Variants in NCOR2 observed in about 807,000 individuals in gnomAD.
The protein encoded by NCOR2 is CTG repeat protein 26.
Under a neutral mutation model 262.9 loss-of-function variants are expected in NCOR2, and 81 were observed. The observed-to-expected ratio is 0.31, with a 90% CI of 0.26 to 0.37. The LOEUF is 0.37. Ranked by LOEUF, NCOR2 falls within the 10% of genes least tolerant of loss-of-function variation. The pLI is 1.00. For synonymous variants in NCOR2, 1,659 were observed against 1,559.3 expected, an observed-to-expected ratio of 1.06 and a Z score of -1.51; for missense variants, 3,385 against 3,621.4, an observed-to-expected ratio of 0.93 and a Z score of 1.68.
chr12:124,355,270 A>T, intron 24 of NCOR2, 162 bp downstream of exon 26: 1 of 807,816 alleles, frequency 1.2e-6, no homozygotes, highest in Non-Finnish European at 1.9e-6. Flanking sequence ...CGAGGCCCTG[A>T]GTGCCTGGGG....
At chr12:124,497,095 G>A (rs557449960), upstream of NCOR2, among the ~76,000 whole-genome samples, 4 of 152,322 alleles carry the variant, frequency 2.6e-5, no homozygotes, top group South Asian at 6.2e-4. The surrounding 1 kb of genome is among the most constrained non-coding windows in gnomAD (Gnocchi z 4.2). Flanking sequence ...CCTTCTGCAC[G>A]TTTTGTCTTT....
At chr12:124,460,275 G>C (rs1406201058) in intron 5 of NCOR2, among the ~76,000 whole-genome samples, 1 of 152,240 alleles carries the variant, frequency 6.6e-6, no homozygotes, top group Non-Finnish European at 1.5e-5. Context: ...TAAATACCTG[G>C]AAATGGAGTG....
At position 124,347,900 on chromosome 12, in the gene NCOR2, G is replaced by A. The variant is rs372951859; in HGVS notation, c.3997C>T (p.Arg1333Cys). The change falls in exon 30 of 47, where the codon CGT (arginine) becomes TGT (cysteine). Residue 1333 changes from arginine (R) to cysteine (C), a missense_variant. By Grantham distance (180) the Arg-to-Cys change is radical (BLOSUM62 -3). Around this residue, in one of 5 missense-constraint regions of NCOR2, gnomAD observed 1,615 missense variants for 1,626.9 expected, o/e 0.99. Transcript: ENST00000405201. The stretch of plus-strand genomic sequence containing the variant: ...CTGTGTCGCTCCGGCGGGATGGCAC[G>A]GCCCATGAGACCTGGGTAGGAGAGG... The A allele has an allele frequency of 2.4e-5, 37 of 1,561,912 alleles. No individual in the cohort carries two copies. The South Asian group carries it at 2.8e-4, about 12-fold the overall frequency.
At chr12:124,356,049 G>A (rs968866967) in intron 23 of NCOR2, among the ~76,000 whole-genome samples, 9 of 152,312 alleles carry the variant, frequency 5.9e-5, no homozygotes, top group African/African-American at 9.6e-5. Context: ...ACCGAGCTTC[G>A]GCAGTGGTGG....
intron 16 of NCOR2, among the ~76,000 whole-genome samples, chr12:124,397,514 C>T (rs75155705): frequency 0.022 from 3,351 of 152,302 alleles, 57 homozygotes; most frequent in South Asian, 0.068. Flanking sequence ...CTGCCAGCAC[C>T]AATGCCTGCT....
At position 124,531,621 on chromosome 12, in the gene NCOR2, G is replaced by A. The variant is rs553173710; in HGVS notation, c.-118+3944C>T. ...AGGAGGATGGCAGAGAGGGAAGGGTGGTGGCGCAGACAGGGAAGGGCAGGG... is the reference window on the plus strand; with the variant it reads ...AGGAGGATGGCAGAGAGGGAAGGGTAGTGGCGCAGACAGGGAAGGGCAGGG... On this transcript the variant is annotated intron_variant, in intron 1 of 46. Coordinates refer to the NCOR2 transcript ENST00000404621. This position sits in a 1 kb window ranked among gnomAD's most constrained non-coding sequence, Gnocchi z 4.5. Among the ~76,000 whole-genome samples the A allele has an allele frequency of 2.2e-4, 33 of 152,060 alleles. 1 individual carries two copies. In the South Asian group the frequency reaches 6.7e-3, roughly 31 times the overall value.
intron 1 of NCOR2, among the ~76,000 whole-genome samples, chr12:124,550,308 A>C (rs1004517193): frequency 5.9e-5 from 9 of 152,128 alleles, no homozygotes; most frequent in Non-Finnish European, 1.0e-4. Flanking sequence ...TCAGAGAGGC[A>C]AGGCTTCCTG....
intron 16 of NCOR2, among the ~76,000 whole-genome samples, chr12:124,396,785 C>CT (rs1187971329): frequency 6.6e-6 from 1 of 152,134 alleles, no homozygotes. Context: ...CCCTCAGCAC[C>CT]CCCCACAACT....
rs367706998 is a variant in NCOR2 at position 124,374,410 on chromosome 12, T to C, written c.2218+3A>G. ...CCCCCAGGCCAGCCGGCCACATTCG[T>C]ACCTGGGCCACTGCATTCCCCTCTG... On this transcript the variant is annotated splice_donor_region_variant and intron_variant, in intron 19 of 46. Coordinates refer to ENST00000405201, the Ensembl canonical transcript of NCOR2. The C allele has an allele frequency of 1.2e-6, 2 of 1,612,654 alleles. No homozygotes were observed. Among genetic ancestry groups the C allele is most frequent in the African/African-American group, 1.3e-5 (1 of 74,918 alleles).
At chr12:124,467,117 G>C (rs1232173839) in intron 4 of NCOR2, among the ~76,000 whole-genome samples, 40 of 43,738 alleles carry the variant, frequency 9.1e-4, no homozygotes, top group Admixed American at 2.3e-3. Flanking sequence ...TCATCCTCAT[G>C]ACCACCATCA....
chr12:124,342,841 TA>T (rs746163596), intron 33 of NCOR2, among the ~76,000 whole-genome samples, 163 bp downstream of exon 35: 2 of 152,198 alleles, frequency 1.3e-5, no homozygotes, highest in Admixed American at 1.3e-4. Context: ...TGCTCCAACC[TA>T]AGCTCATGAT....
chr12:124,368,522 C>T (rs1170967615), intron 20 of NCOR2, among the ~76,000 whole-genome samples: 5 of 152,192 alleles, frequency 3.3e-5, no homozygotes, highest in Non-Finnish European at 1.5e-5. Flanking sequence ...GTGGGGCCTG[C>T]CCACCTCTCT....
At chr12:124,430,884 G>A (rs942759703) in intron 8 of NCOR2, 97 bp from the exon 11 acceptor site, 21 of 1,425,030 alleles carry the variant, frequency 1.5e-5, no homozygotes, top group South Asian at 2.7e-5. Context: ...ACACAGGTGC[G>A]TGCGCACACA....
At chr12:124,395,042 T>G (rs2041558782) in intron 16 of NCOR2, among the ~76,000 whole-genome samples, 1 of 151,946 alleles carries the variant, frequency 6.6e-6, no homozygotes, top group East Asian at 1.9e-4. Context: ...CAGGCTGGGG[T>G]CCGAAGGCCC....
chr12:124,544,038 G>C (rs1275580829), intron 1 of NCOR2, among the ~76,000 whole-genome samples: 5 of 152,228 alleles, frequency 3.3e-5, no homozygotes, highest in Non-Finnish European at 7.3e-5. Context: ...CCAGGACTGG[G>C]ATCCACACTC....
At chr12:124,340,465 G>C (rs756496944) in intron 35 of NCOR2, 22 bp from the exon 38 acceptor site, 5 of 1,608,160 alleles carry the variant, frequency 3.1e-6, no homozygotes, top group Middle Eastern at 1.6e-4. Flanking sequence ...AAAGGCCAGA[G>C]ACTCAGCCCC....
rs770920489 is a variant in NCOR2, at chr12:124,327,523, A to T, written c.7069T>A (p.Ser2357Thr). The T allele has an allele frequency of 8.9e-5, 144 of 1,612,460 alleles. No individual in the cohort carries two copies. Among genetic ancestry groups the T allele is most frequent in the Non-Finnish European group, 1.1e-4 (133 of 1,179,800 alleles). The change falls in exon 45 of 47, where the codon TCC (serine) becomes ACC (threonine). Residue 2357 changes from serine to threonine, a missense_variant. Ser to Thr is a moderately conservative substitution (Grantham distance 58). Coordinates refer to ENST00000405201, the Ensembl canonical transcript of NCOR2. ...AAAGCATTGGCGCTGAGCGGCGGGGACTCTTCCCACTGGTCATATTTACCC... is the reference window on the plus strand; with the variant it reads ...AAAGCATTGGCGCTGAGCGGCGGGGTCTCTTCCCACTGGTCATATTTACCC...
intron 1 of NCOR2, among the ~76,000 whole-genome samples, chr12:124,493,021 C>T (rs2136887642): frequency 6.6e-6 from 1 of 152,370 alleles, no homozygotes; most frequent in Admixed American, 6.5e-5. Context: ...CTGTGGCCGC[C>T]AGGCTGGGCC....
At chr12:124,377,126 A>G (rs944107503) in intron 18 of NCOR2, among the ~76,000 whole-genome samples, 51 of 152,214 alleles carry the variant, frequency 3.4e-4, no homozygotes, top group African/African-American at 1.2e-3. Context: ...ATACACACTG[A>G]TAACAAAGTT....
Sources: allele counts gnomAD v4.1 joint callset (sites outside exome capture counted in the v4.1 genomes callset), GRCh38; gene constraint gnomAD v4.1.1; regional missense constraint gnomAD v4.1.1; non-coding constraint Gnocchi (gnomAD v3.1); transcripts MANE v1.5; gene names NCBI Gene and HGNC (gene_info 2026-07-23, HGNC 2026-07-21).